TRIP11: variants seen among roughly 807,000 people sequenced by gnomAD.
The protein encoded by TRIP11 is thyroid receptor-interacting protein 11.
TRIP11 carries 148 observed loss-of-function variants against 223.1 expected under a neutral mutation model. That is an observed-to-expected ratio of 0.66 (90% confidence interval 0.58 to 0.76). The LOEUF (loss-of-function observed/expected upper bound fraction) is 0.76. Among genes scored for constraint, TRIP11 ranks in the 30% least tolerant of loss-of-function variants. The probability of loss-of-function intolerance (pLI) is 0.00; values close to 1 mark genes in which losing one functional copy is unlikely to be tolerated. For synonymous variants in TRIP11, 762 were observed against 772.6 expected, an observed-to-expected ratio of 0.99 and a Z score of 0.23; for missense variants, 2,043 against 2,222.0, an observed-to-expected ratio of 0.92 and a Z score of 1.62.
At chr14:91,974,575 A>G (rs2056439844) in intron 19 of TRIP11, 52 bp downstream of exon 19, 1 of 1,319,904 alleles carries the variant, frequency 7.6e-7, no homozygotes, top group Non-Finnish European at 1.1e-6. Flanking sequence ...AATGAATGTA[A>G]TATACAGTCA....
chr14:92,023,785 C>T (rs1290471242), intron 3 of TRIP11, among the ~76,000 whole-genome samples: 1 of 151,728 alleles, frequency 6.6e-6, no homozygotes, highest in African/African-American at 2.4e-5. Flanking sequence ...CAGTCCAGAG[C>T]AAGTATAGCA....
chr14:92,010,514 G>A (rs541121757), intron 9 of TRIP11, among the ~76,000 whole-genome samples: 94 of 151,444 alleles, frequency 6.2e-4, no homozygotes, highest in African/African-American at 2.1e-3. Flanking sequence ...TGGGCAACAA[G>A]AGCGAAACTC....
intron 15 of TRIP11, among the ~76,000 whole-genome samples, chr14:91,993,476 CAAAAAA>C (rs59244424): frequency 9.7e-5 from 5 of 51,776 alleles, no homozygotes; most frequent in African/African-American, 2.8e-4. Flanking sequence ...AACTCGGTCT[CAAAAAA>C]AAAAAAAAAA....
At chr14:91,997,589 G>A (rs938556781) in intron 13 of TRIP11, among the ~76,000 whole-genome samples, 3 of 152,032 alleles carry the variant, frequency 2.0e-5, no homozygotes, top group African/African-American at 7.2e-5. Flanking sequence ...GAATAGGCAA[G>A]ATTCATAGAA....
intron 20 of TRIP11, 118 bp from the exon 21 acceptor site, chr14:91,970,011 A>G: frequency 9.7e-7 from 1 of 1,028,590 alleles, no homozygotes; most frequent in South Asian, 1.5e-5. Context: ...ATTAGCATAG[A>G]TAAATAAAAA....
At chr14:92,019,353 A>C (rs887614842) in intron 4 of TRIP11, among the ~76,000 whole-genome samples, 1 of 152,216 alleles carries the variant, frequency 6.6e-6, no homozygotes, top group Non-Finnish European at 1.5e-5. Flanking sequence ...ACTGGCTAAC[A>C]AATTGATATC....
At chr14:91,975,984 G>A in intron 17 of TRIP11, 124 bp downstream of exon 17, 3 of 787,962 alleles carry the variant, frequency 3.8e-6, no homozygotes, top group Admixed American at 4.5e-5. Context: ...TCCTCACTAA[G>A]AGTGAGGGGA....
At position 92,006,154 on chromosome 14, in the gene TRIP11, C is replaced by T. The variant is rs771804013; in HGVS notation, c.1822G>A (p.Glu608Lys). 10 of 1,612,860 alleles carry T rather than the reference C, an allele frequency of 6.2e-6. No homozygotes were observed. The South Asian group carries it at 9.9e-5, about 16-fold the overall frequency. The change falls in exon 11 of 21, where the codon GAA becomes AAA. Residue 608 changes from glutamate (E) to lysine (K), a missense_variant. Physicochemically the swap from Glu to Lys is moderately conservative, Grantham distance 56 (BLOSUM62 1). Transcript: ENST00000267622. ...SNVSIQKENL[E>K]LKEHIRQNEE... ...TTTTGTCTAATATGCTCCTTAAGTT[C>T]TAAATTCTCCTTCTGGATGCTTACA...
In TRIP11 at chr14:91,969,727, T is replaced by C; in HGVS notation, c.5886A>G (p.Pro1962=). 6.2e-7 allele frequency: 1 copy of C among 1,613,382 alleles called. No homozygotes were observed. Among genetic ancestry groups the C allele is most frequent in the Non-Finnish European group, 8.5e-7 (1 of 1,180,036 alleles). Residue 1962 remains proline (P), a synonymous_variant, in exon 21 of 21, where the codon CCA becomes CCG. Coordinates refer to ENST00000267622, the MANE Select transcript of TRIP11 (RefSeq NM_004239.4). ...SDVLPTFTPL[P]ALPDNSAGVV... ...CCCCAGCACTGTTGTCAGGTAACGC[T>C]GGCAAAGGTGTAAATGTGGGCAAAA... is the stretch of plus-strand genomic sequence containing the variant.
intron 3 of TRIP11, among the ~76,000 whole-genome samples, chr14:92,022,741 A>G (rs1012927678): frequency 2.0e-5 from 3 of 152,248 alleles, no homozygotes; most frequent in Non-Finnish European, 1.5e-5. Context: ...AAGACAGCCA[A>G]CAAGTAACAG....
At position 91,978,967 on chromosome 14, in the gene TRIP11, A is replaced by T. The variant is rs2056501342; in HGVS notation, c.5261-2778T>A. On this transcript the variant is annotated intron_variant, in intron 16 of 20. Coordinates refer to ENST00000267622, the MANE Select transcript of TRIP11 (RefSeq NM_004239.4). This position sits in a 1 kb window ranked among gnomAD's most constrained non-coding sequence, Gnocchi z 4.4. ...CTACTCTATACTATCTCTTATTTTA[A>T]AAAGAGAGGCTGGGCGCAGTGGCTC... is the stretch of plus-strand genomic sequence containing the variant. Among the ~76,000 whole-genome samples the T allele has an allele frequency of 6.6e-6, 1 of 152,112 alleles. No individual in the cohort carries two copies. The highest frequency in any genetic ancestry group is 1.9e-4 in the East Asian group (1 of 5,198).
chr14:92,038,168 G>A (rs1225937791), intron 1 of TRIP11, among the ~76,000 whole-genome samples: 2 of 152,200 alleles, frequency 1.3e-5, no homozygotes, highest in African/African-American at 2.4e-5. Flanking sequence ...TTAGGAAACT[G>A]AGAGTGAAGC....
In TRIP11 at chr14:91,968,973, C is replaced by T. The variant is rs1486629044; in HGVS notation, c.*700G>A. 1 of 226,038 alleles carries T rather than the reference C, an allele frequency of 4.4e-6. No homozygotes were observed. 14.0% of individuals were successfully genotyped at this position (226,038 alleles called of 1,614,324 possible). On this transcript the variant is annotated 3_prime_UTR_variant, in exon 21 of 21. Transcript: ENST00000267622. ...ACATGAATTTACACACAGGGCCAGG[C>T]GCAGTGGCTCATGCCTTAATCCCAG...
At chr14:92,001,252 CTTCT>C (rs1416900762) in intron 11 of TRIP11, among the ~76,000 whole-genome samples, 2 of 152,054 alleles carry the variant, frequency 1.3e-5, no homozygotes, top group Non-Finnish European at 2.9e-5. Flanking sequence ...AAACTTTCCA[CTTCT>C]TTAAGAATAT....
chr14:91,977,347 C>A (rs1033072004), intron 16 of TRIP11: 28 of 375,810 alleles, frequency 7.5e-5, no homozygotes, highest in Admixed American at 2.4e-4. Context: ...CTATACCTAA[C>A]CCAACACCTG....
intron 15 of TRIP11, among the ~76,000 whole-genome samples, chr14:91,990,643 C>G (rs2056659665): frequency 6.6e-6 from 1 of 152,130 alleles, no homozygotes; most frequent in Admixed American, 6.5e-5. Context: ...CCACTGCATT[C>G]CAGCCTGGGA....
intron 7 of TRIP11, among the ~76,000 whole-genome samples, chr14:92,013,379 A>C (rs2056997324): frequency 6.6e-6 from 1 of 152,254 alleles, no homozygotes; most frequent in Admixed American, 6.5e-5. Context: ...AACTACAAGG[A>C]AGATACCATT....
At chr14:92,035,234 T>C (rs1343584433) in intron 1 of TRIP11, among the ~76,000 whole-genome samples, 1 of 151,040 alleles carries the variant, frequency 6.6e-6, no homozygotes, top group African/African-American at 2.4e-5. Context: ...GCAGGAGAAA[T>C]TGCTTGAACT....
chr14:92,028,548 T>G (rs1252872227), intron 2 of TRIP11, among the ~76,000 whole-genome samples: 1 of 152,102 alleles, frequency 6.6e-6, no homozygotes, highest in Non-Finnish European at 1.5e-5. Context: ...AGCAAGACCC[T>G]GTCTCAAAAC....
Sources: allele counts gnomAD v4.1 joint callset (sites outside exome capture counted in the v4.1 genomes callset), GRCh38; gene constraint gnomAD v4.1.1; non-coding constraint Gnocchi (gnomAD v3.1); transcripts MANE v1.5; gene names NCBI Gene and HGNC (gene_info 2026-07-23, HGNC 2026-07-21).